PLEKHG1: variants seen among roughly 807,000 people sequenced by gnomAD.
PLEKHG1 encodes the protein pleckstrin homology domain-containing family G member 1.
In PLEKHG1, 44 loss-of-function variants were observed where a neutral mutation model predicts 100.8. The observed-to-expected ratio is 0.44, with a 90% CI of 0.34 to 0.56. The LOEUF is 0.56. Ranked by LOEUF, PLEKHG1 falls within the 20% of genes least tolerant of loss-of-function variation. The probability of loss-of-function intolerance (pLI) is 0.01; values close to 1 mark genes in which losing one functional copy is unlikely to be tolerated. For synonymous variants in PLEKHG1, 640 were observed against 662.5 expected, an observed-to-expected ratio of 0.97 and a Z score of 0.52; for missense variants, 1,545 against 1,720.9, an observed-to-expected ratio of 0.90 and a Z score of 1.81.
chr6:150,720,624 C>G (rs1328271657), upstream of PLEKHG1, among the ~76,000 whole-genome samples: 2 of 152,030 alleles, frequency 1.3e-5, no homozygotes, highest in Non-Finnish European at 2.9e-5. Context: ...CCACCCCCAC[C>G]CCAACCTGCA....
rs1194884966 is a variant in PLEKHG1 at position 150,599,977 on chromosome 6, CTGCGAGCGCCGCCCGGGCA to C, written c.-238_-220del. On this transcript the variant is annotated 5_prime_UTR_variant, in exon 1 of 4. The change abolishes an upstream ATG in the 5' untranslated region. Coordinates refer to the PLEKHG1 transcript ENST00000367326. ...GCAGCCCGCACCCTCCCCGCCCGAC[CTGCGAGCGCCGCCCGGGCA>C]TGCGAAGCCGTCCCTCCCCGGGTAA... 11 of 231,868 alleles carry C rather than the reference CTGCGAGCGCCGCCCGGGCA, an allele frequency of 4.7e-5. No individual in the cohort carries two copies. The highest frequency in any genetic ancestry group is 1.0e-4 in the Non-Finnish European group (11 of 109,626). The allele number at this position is 231,868 out of a possible 1,614,324, so 14.4% of individuals were successfully genotyped here. A position where few individuals can be genotyped will look rare whatever the true frequency, so the allele number is the denominator to read the frequency against.
intron 2 of PLEKHG1, among the ~76,000 whole-genome samples, chr6:150,746,554 T>G (rs182141413): frequency 3.7e-4 from 57 of 152,356 alleles, no homozygotes; most frequent in Middle Eastern, 3.4e-3. Flanking sequence ...ACAAAATGGC[T>G]TGAAAGAATT....
chr6:150,794,811 G>A (rs1162777129), intron 4 of PLEKHG1, among the ~76,000 whole-genome samples: 1 of 152,068 alleles, frequency 6.6e-6, no homozygotes, highest in South Asian at 2.1e-4. Context: ...GAGGTTGGAC[G>A]ATGGAAACTT....
intron 1 of PLEKHG1, among the ~76,000 whole-genome samples, chr6:150,603,267 T>C (rs989092656): frequency 6.6e-6 from 1 of 152,130 alleles, no homozygotes; most frequent in Non-Finnish European, 1.5e-5. Flanking sequence ...TCTCAGATAT[T>C]AATGTTTCAT....
intron 1 of PLEKHG1, among the ~76,000 whole-genome samples, chr6:150,627,852 A>G (rs190811165): frequency 6.6e-5 from 10 of 152,296 alleles, no homozygotes; most frequent in Non-Finnish European, 1.3e-4. Flanking sequence ...GCCATCTGTG[A>G]TCATTAGAAA....
At chr6:150,621,026 G>T (rs142828576) in intron 1 of PLEKHG1, among the ~76,000 whole-genome samples, 134 of 152,298 alleles carry the variant, frequency 8.8e-4, no homozygotes, top group African/African-American at 3.1e-3. Flanking sequence ...GAATCTCTAA[G>T]TTCCTGACTT....
chr6:150,716,167 C>G (rs1781432423), upstream of PLEKHG1, among the ~76,000 whole-genome samples: 1 of 150,548 alleles, frequency 6.6e-6, no homozygotes, highest in Non-Finnish European at 1.5e-5. Flanking sequence ...AAAGAAAAAA[C>G]TTCTAATAGA....
At chr6:150,790,748 A>G (rs1044592668) in intron 4 of PLEKHG1, among the ~76,000 whole-genome samples, 1 of 152,196 alleles carries the variant, frequency 6.6e-6, no homozygotes, top group African/African-American at 2.4e-5. Context: ...TCGGCCGGGC[A>G]TGGTGGCTCA....
At chr6:150,707,789 C>T (rs188755083) in intron 3 of PLEKHG1, among the ~76,000 whole-genome samples, 10 of 152,280 alleles carry the variant, frequency 6.6e-5, no homozygotes, top group Non-Finnish European at 8.8e-5. Flanking sequence ...GCCTCAGCTC[C>T]GTCAAGCCTC....
At chr6:150,821,411 C>T (rs1776290138) in intron 13 of PLEKHG1, among the ~76,000 whole-genome samples, 178 bp downstream of exon 14, 1 of 152,162 alleles carries the variant, frequency 6.6e-6, no homozygotes, top group African/African-American at 2.4e-5. Flanking sequence ...AAGCCAGGCA[C>T]AGTAGCTCAC....
In PLEKHG1 at chr6:150,810,080, G is replaced by A. The variant is rs1194024068; in HGVS notation, c.1278+346G>A. On this transcript the variant is annotated intron_variant, in intron 10 of 15. Coordinates refer to ENST00000358517, the Ensembl canonical transcript of PLEKHG1. ...GGAGGCCAAGGCAGGTGGAACACTT[G>A]AGCCTAGGAGTTCGAGACCAGCCTG... Among the ~76,000 whole-genome samples the A allele has an allele frequency of 3.3e-5, 5 of 152,050 alleles. No homozygotes were observed. The South Asian group carries it at 1.0e-3, about 32-fold the overall frequency.
At chr6:150,731,987 ACTCT>A (rs10590876) in intron 1 of PLEKHG1, among the ~76,000 whole-genome samples, 27,545 of 127,312 alleles carry the variant, frequency 0.22, 4,200 homozygotes, top group African/African-American at 0.45. Flanking sequence ...TTTGAGACGG[ACTCT>A]CTCTCTGTCG....
At chr6:150,828,848 AC>A (rs1161280099) in intron 14 of PLEKHG1, among the ~76,000 whole-genome samples, 3 of 152,212 alleles carry the variant, frequency 2.0e-5, no homozygotes, top group Non-Finnish European at 2.9e-5. Context: ...ATAACATTAA[AC>A]CAGTGCAGTC....
chr6:150,663,931 A>C (rs1397234240), intron 3 of PLEKHG1: 3 of 152,038 alleles, frequency 2.0e-5, no homozygotes, highest in Non-Finnish European at 4.4e-5. Flanking sequence ...CCAGGTTTAT[A>C]TTTTCATTGG....
chr6:150,830,943 G>C lies in PLEKHG1; in HGVS notation c.1832G>C (p.Ser611Thr), dbSNP rs771215938. 52 of 1,613,974 alleles carry C rather than the reference G, an allele frequency of 3.2e-5. No individual in the cohort carries two copies. The highest frequency in any genetic ancestry group is 4.3e-5 in the Non-Finnish European group (51 of 1,180,024). The change falls in exon 15 of 16, where the codon AGT becomes ACT. Residue 611 changes from serine (S) to threonine (T), a missense_variant. Coordinates refer to ENST00000358517, the Ensembl canonical transcript of PLEKHG1. ...CACAGGATTGTCAGGCGGGCCAGCA[G>C]TGCTGGGGAGAGCAACACATGCCCT...
chr6:150,801,650 G>GC (rs1392127802), intron 6 of PLEKHG1, among the ~76,000 whole-genome samples: 1 of 151,748 alleles, frequency 6.6e-6, no homozygotes, highest in Non-Finnish European at 1.5e-5. Context: ...ATGTTGCCCA[G>GC]CCTGGTCTCG....
At chr6:150,656,811 A>G (rs1456926365) in intron 3 of PLEKHG1, among the ~76,000 whole-genome samples, 1 of 152,200 alleles carries the variant, frequency 6.6e-6, no homozygotes, top group East Asian at 1.9e-4. Flanking sequence ...GATTGAAGCA[A>G]TAATTGCATT....
At chr6:150,827,969 T>C in intron 14 of PLEKHG1, 1 of 1,612,430 alleles carries the variant, frequency 6.2e-7, no homozygotes. Context: ...GGAAGGATTA[T>C]GTTCAAGAAG....
At chr6:150,652,470 C>G (rs1202982549) in intron 3 of PLEKHG1, among the ~76,000 whole-genome samples, 1 of 152,072 alleles carries the variant, frequency 6.6e-6, no homozygotes, top group Non-Finnish European at 1.5e-5. Flanking sequence ...TGCCTGTAAT[C>G]CCAGCACTTT....
Sources: allele counts gnomAD v4.1 joint callset (sites outside exome capture counted in the v4.1 genomes callset), GRCh38; gene constraint gnomAD v4.1.1; transcripts MANE v1.5; gene names NCBI Gene and HGNC (gene_info 2026-07-23, HGNC 2026-07-21).